CUL4B: variants seen among roughly 807,000 people sequenced by gnomAD.
CUL4B encodes cullin 4B, also known as cullin-4B.
A neutral mutation model predicts 69.2 loss-of-function variants in CUL4B; 1 was observed. The ratio of observed to expected loss-of-function variants is 0.01; its 90% CI spans 0.01 to 0.07. The LOEUF is 0.07. Ranked by LOEUF, CUL4B falls within the 10% of genes least tolerant of loss-of-function variation. The pLI is 1.00. For synonymous variants in CUL4B, 237 were observed against 223.2 expected, an observed-to-expected ratio of 1.06 and a Z score of -0.55; for missense variants, 328 against 638.8, an observed-to-expected ratio of 0.51 and a Z score of 5.24.
intron 1 of CUL4B, among the ~76,000 whole-genome samples, chrX:120,575,063 C>T (rs1435906310): frequency 9.0e-6 from 1 of 111,724 alleles, no homozygotes; most frequent in Non-Finnish European, 1.9e-5. Context: ...CTGTTCCTGC[C>T]TCTTCTTTAA....
At chrX:120,563,698 A>T (rs771019451), upstream of CUL4B, among the ~76,000 whole-genome samples, 21 of 112,402 alleles carry the variant, frequency 1.9e-4, no homozygotes, top group Non-Finnish European at 2.1e-4. Flanking sequence ...CTGTGTCTTT[A>T]TAAGGGAGGA....
chrX:120,560,339 C>T lies in CUL4B; in HGVS notation c.300G>A (p.Lys100=), dbSNP rs754317664. 1.7e-6 allele frequency: 2 copies of T among 1,210,478 alleles called. No individual in the cohort carries two copies. Among genetic ancestry groups the T allele is most frequent in the East Asian group, 5.9e-5 (2 of 33,844 alleles). Residue 100 remains lysine, a synonymous_variant, in exon 1 of 20, where the codon AAG becomes AAA. Transcript: ENST00000371322. ...AASSHVPIQK[K]LRFEDTLEFV... is the part of the protein sequence containing the mutation. ...ACTCCAGGGTGTCTTCAAAACGCAG[C>T]TTCTTCTGTATCGGTACGTGGCTGG...
At chrX:120,548,372 G>T (rs1320676414) in intron 2 of CUL4B, among the ~76,000 whole-genome samples, 1 of 112,095 alleles carries the variant, frequency 8.9e-6, no homozygotes, top group Non-Finnish European at 1.9e-5. Context: ...TTATGTATCA[G>T]ATGGGTTGGG....
At chrX:120,532,337 T>TA (rs1447643437) in intron 18 of CUL4B, 85 bp downstream of exon 18, 5 of 711,384 alleles carry the variant, frequency 7.0e-6, no homozygotes, top group African/African-American at 2.2e-5. Context: ...TTGGCAGTAT[T>TA]ACAGGTATAA....
chrX:120,565,500 G>A (rs1925468376), upstream of CUL4B, among the ~76,000 whole-genome samples: 1 of 106,692 alleles, frequency 9.4e-6, no homozygotes, highest in Non-Finnish European at 1.9e-5. Context: ...TGGGCAACAT[G>A]GCGATACCCT....
Position 120,530,241 on chromosome X carries a change from G to C in CUL4B, c.2453C>G (p.Ala818Gly). ...TTGAAATACTCTTTCTGTAGTGCTT[G>C]CTTGTTCTTCAACCTAACAAAAAAG... is the stretch of plus-strand genomic sequence containing the variant. ...IQMKETVEEQ[A>G]STTERVFQDR... Residue 818 changes from alanine (A) to glycine (G), a missense_variant, in exon 19 of 20, where the codon GCA (alanine) becomes GGA (glycine). Ala to Gly is a moderately conservative substitution (Grantham distance 60). This residue lies in a region of CUL4B where 98 missense variants were observed against 296.8 expected (regional missense o/e 0.33). Coordinates refer to ENST00000371322, the MANE Select transcript of CUL4B (RefSeq NM_001079872.2). 8.3e-7 allele frequency: 1 copy of C among 1,209,844 alleles called. No homozygotes were observed. The highest frequency in any genetic ancestry group is 1.1e-6 in the Non-Finnish European group (1 of 894,425).
In CUL4B at chrX:120,526,627, C is replaced by T; in HGVS notation, c.*134G>A. 2 of 438,044 alleles carry T rather than the reference C, an allele frequency of 4.6e-6. No homozygotes were observed. Among genetic ancestry groups the T allele is most frequent in the Non-Finnish European group, 8.4e-6 (2 of 238,304 alleles). 36.1% of individuals were successfully genotyped at this position (438,044 alleles called of 1,213,427 possible). ...ATGTTAACCACTGAGAAAAAGTCCA[C>T]TCAACTATTTCCATTAATTACACTG... On this transcript the variant is annotated 3_prime_UTR_variant, in exon 20 of 20. Coordinates refer to ENST00000371322, the MANE Select transcript of CUL4B (RefSeq NM_001079872.2).
intron 14 of CUL4B, among the ~76,000 whole-genome samples, chrX:120,537,455 T>A (rs748686097): frequency 9.1e-6 from 1 of 110,414 alleles, no homozygotes; most frequent in African/African-American, 3.3e-5. Context: ...CTTGCTCCAC[T>A]GCCTGTCTGC....
intron 2 of CUL4B, among the ~76,000 whole-genome samples, chrX:120,572,422 G>T (rs1034400896): frequency 1.1e-5 from 1 of 94,752 alleles, no homozygotes; most frequent in Non-Finnish European, 2.0e-5. Context: ...CCGAAATCAT[G>T]CCATATAGCA....
chrX:120,567,797 C>T (rs1474406566), downstream of CUL4B, among the ~76,000 whole-genome samples: 1 of 107,844 alleles, frequency 9.3e-6, no homozygotes, highest in Non-Finnish European at 1.9e-5. Context: ...ATTGCTTGAG[C>T]CCAGGAGTTC....
At chrX:120,546,946 C>T (rs185114250) in intron 3 of CUL4B, among the ~76,000 whole-genome samples, 190 bp downstream of exon 3, 2 of 111,748 alleles carry the variant, frequency 1.8e-5, no homozygotes, top group Non-Finnish European at 3.8e-5. Flanking sequence ...TACATGAATA[C>T]CACACGTAGT....
Position 120,544,568 on chromosome X carries a change from A to G in CUL4B, c.996T>C (p.Ile332=). ...QKVQNKTIDG[I]LLLIERERNG... ...TCCTTTCCCTCTCAATCAAGAGAAG[A>G]ATGCCATCAATTGTCTTATTCTGCA... The change falls in exon 6 of 20, where the codon ATT becomes ATC. Residue 332 remains isoleucine (I), a synonymous_variant. Coordinates refer to ENST00000371322, the MANE Select transcript of CUL4B (RefSeq NM_001079872.2). 1 of 1,208,281 alleles carries G rather than the reference A, an allele frequency of 8.3e-7. No individual in the cohort carries two copies. The highest frequency in any genetic ancestry group is 1.1e-6 in the Non-Finnish European group (1 of 892,315).
intron 6 of CUL4B, 59 bp downstream of exon 6, chrX:120,544,422 G>A: frequency 1.7e-6 from 2 of 1,145,032 alleles, no homozygotes; most frequent in South Asian, 3.6e-5. Flanking sequence ...TCTGATGTGG[G>A]GGGAAAAAAA....
chrX:120,543,284 T>A (rs1207299710), intron 8 of CUL4B, among the ~76,000 whole-genome samples: 3 of 111,485 alleles, frequency 2.7e-5, no homozygotes, highest in African/African-American at 9.8e-5. Context: ...CATAACGAAA[T>A]AAATATCTCC....
chrX:120,539,744 A>G (rs2147329162), intron 11 of CUL4B, among the ~76,000 whole-genome samples: 1 of 112,613 alleles, frequency 8.9e-6, no homozygotes, highest in Non-Finnish European at 1.9e-5. Context: ...ATTTTATAGG[A>G]ATAGTAAGCA....
intron 16 of CUL4B, 37 bp from the exon 17 acceptor site, chrX:120,534,623 T>C: frequency 1.1e-6 from 1 of 908,594 alleles, no homozygotes; most frequent in Non-Finnish European, 1.6e-6. Flanking sequence ...CATCACTTTT[T>C]TAAAAACACA....
At chrX:120,564,219 C>T (rs1039260615), upstream of CUL4B, among the ~76,000 whole-genome samples, 2 of 112,271 alleles carry the variant, frequency 1.8e-5, no homozygotes, top group African/African-American at 6.5e-5. Flanking sequence ...AAAAGAATCC[C>T]TTGAACCTGA....
downstream of CUL4B, among the ~76,000 whole-genome samples, chrX:120,570,586 A>G (rs1219374560): frequency 8.9e-6 from 1 of 112,372 alleles, no homozygotes; most frequent in Non-Finnish European, 1.9e-5. Context: ...AAACAGAGAC[A>G]TGGCACAAAG....
At chrX:120,529,871 T>TA (rs1923207353) in intron 19 of CUL4B, among the ~76,000 whole-genome samples, 1 of 111,344 alleles carries the variant, frequency 9.0e-6, no homozygotes, top group Non-Finnish European at 1.9e-5. Flanking sequence ...ATTTAGCAGT[T>TA]AAACTTTCAG....
Sources: gnomAD v4.1 joint callset for allele counts (sites outside exome capture counted in the v4.1 genomes callset) on GRCh38, gnomAD v4.1.1 for gene constraint, gnomAD v4.1.1 regional missense constraint, MANE v1.5 for transcripts, NCBI Gene and HGNC (gene_info 2026-07-23, HGNC 2026-07-21) for gene names.